COLEC11: variants seen among roughly 807,000 people sequenced by gnomAD.
The protein encoded by COLEC11 is collectin-11.
In COLEC11, 20 loss-of-function variants were observed where a neutral mutation model predicts 27.3. That is an observed-to-expected ratio of 0.73 (90% CI 0.51 to 1.06). The LOEUF is 1.06. Ranked by LOEUF, COLEC11 falls within the 50% of genes least tolerant of loss-of-function variation. The pLI, the probability that COLEC11 is intolerant of heterozygous loss-of-function variation, is 0.00. For missense variants in COLEC11, 310 were observed against 383.0 expected, an observed-to-expected ratio of 0.81 and a Z score of 1.59; for synonymous variants, 163 against 154.7, an observed-to-expected ratio of 1.05 and a Z score of -0.40.
chr2:3,614,177 A>G (rs1558497405), intron 3 of COLEC11, among the ~76,000 whole-genome samples: 1 of 151,762 alleles, frequency 6.6e-6, no homozygotes, highest in Non-Finnish European at 1.5e-5. Flanking sequence ...AGGTTTCACC[A>G]TGTTGGCCAG....
intron 3 of COLEC11, among the ~76,000 whole-genome samples, chr2:3,635,266 C>T (rs1665318396): frequency 6.6e-6 from 1 of 152,146 alleles, no homozygotes; most frequent in Non-Finnish European, 1.5e-5. Context: ...GCACGAGGTT[C>T]TGCCAACACT....
rs542599627 is a variant in COLEC11, at chr2:3,643,547, G to A, written c.424+8G>A. The A allele has an allele frequency of 4.3e-6, 7 of 1,612,264 alleles. No homozygotes were observed. In the East Asian group the frequency reaches 1.6e-4, roughly 36 times the overall value. ...TCAAGTTCATCAAGAATGGTATGTG[G>A]CTCCCGGCGCCGCCCTCGCTCCCTC... On this transcript the variant is annotated splice_region_variant and intron_variant, in intron 6 of 6. Coordinates refer to ENST00000349077, the MANE Select transcript of COLEC11 (RefSeq NM_024027.5).
chr2:3,620,839 T>G (rs1418312165), intron 3 of COLEC11, among the ~76,000 whole-genome samples: 2 of 152,244 alleles, frequency 1.3e-5, no homozygotes, highest in African/African-American at 4.8e-5. Flanking sequence ...ATTTGTGAAT[T>G]TTCGTTTTCC....
chr2:3,643,144 C>T (rs1340552843), intron 5 of COLEC11, among the ~76,000 whole-genome samples: 2 of 152,218 alleles, frequency 1.3e-5, no homozygotes, highest in Non-Finnish European at 2.9e-5. Flanking sequence ...CTCAGCCAGA[C>T]CTGCTTCCCT....
Position 3,643,886 on chromosome 2 carries a change from A to G in COLEC11, c.584A>G (p.Gln195Arg), listed in dbSNP as rs1430129638. ...ANGLMAAYLA[Q>R]AGLARVFIGI... ...GGCCTGATGGCCGCATACCTGGCGC[A>G]AGCCGGCCTGGCCCGTGTCTTCATC... Residue 195 changes from glutamine to arginine, a missense_variant, in exon 7 of 7, where the codon CAA becomes CGA. By Grantham distance (43) the Gln-to-Arg change is conservative. Transcript: ENST00000349077. 1 of 1,613,704 alleles carries G rather than the reference A, an allele frequency of 6.2e-7. No homozygotes were observed. The highest frequency in any genetic ancestry group is 8.5e-7 in the Non-Finnish European group (1 of 1,180,030).
chr2:3,626,194 G>C (rs1326907656), intron 3 of COLEC11: 2 of 991,984 alleles, frequency 2.0e-6, no homozygotes, highest in East Asian at 4.8e-5. Flanking sequence ...GACAGAACTG[G>C]AGCAGAAGCC....
rs928500919 is a variant in COLEC11 at position 3,597,058 on chromosome 2, T to C, written c.-27+1890T>C. Among the ~76,000 whole-genome samples the C allele has an allele frequency of 2.0e-5, 3 of 152,330 alleles. No individual in the cohort carries two copies. In the South Asian group the frequency reaches 6.2e-4, roughly 32 times the overall value. ...ATGGGCAGCGGGGTCAGTGAATGAG[T>C]GGAGCGAGTGAAGGCATGAGAAATC... On this transcript the variant is annotated intron_variant, in intron 1 of 6. Coordinates refer to ENST00000349077, the MANE Select transcript of COLEC11 (RefSeq NM_024027.5).
intron 1 of COLEC11, among the ~76,000 whole-genome samples, chr2:3,599,404 C>CG (rs1465339588): frequency 6.6e-6 from 1 of 152,174 alleles, no homozygotes; most frequent in Non-Finnish European, 1.5e-5. Flanking sequence ...AGGCACTGTG[C>CG]GGGGGACAGG....
At chr2:3,603,655 CAA>C (rs572015546) in intron 1 of COLEC11, 21 of 1,551,092 alleles carry the variant, frequency 1.4e-5, no homozygotes, top group Admixed American at 7.8e-5. Context: ...GATGAAGAAA[CAA>C]AGAGGTCAGC....
chr2:3,629,502 G>A (rs939567191), intron 3 of COLEC11, among the ~76,000 whole-genome samples: 2 of 152,208 alleles, frequency 1.3e-5, no homozygotes, highest in African/African-American at 4.8e-5. Flanking sequence ...ATGCACACAC[G>A]TGCACATAGA....
intron 3 of COLEC11, 114 bp from the exon 4 acceptor site, chr2:3,637,419 A>C: frequency 2.5e-6 from 2 of 785,690 alleles, no homozygotes; most frequent in Non-Finnish European, 4.6e-6. Flanking sequence ...AGTCTCTTCT[A>C]TGTGCCTGTG....
intron 4 of COLEC11, among the ~76,000 whole-genome samples, 181 bp from the exon 5 acceptor site, chr2:3,640,097 G>A (rs899598852): frequency 2.0e-5 from 3 of 152,158 alleles, no homozygotes; most frequent in East Asian, 3.8e-4. Flanking sequence ...TATATGGTTC[G>A]TATCACATAA....
At chr2:3,640,083 C>T (rs1293468942) in intron 4 of COLEC11, among the ~76,000 whole-genome samples, 195 bp from the exon 5 acceptor site, 1 of 152,170 alleles carries the variant, frequency 6.6e-6, no homozygotes, top group African/African-American at 2.4e-5. Flanking sequence ...CACCCCATGA[C>T]ATGTATATGG....
intron 3 of COLEC11, among the ~76,000 whole-genome samples, chr2:3,632,088 G>A (rs530771608): frequency 7.2e-5 from 11 of 152,304 alleles, no homozygotes; most frequent in African/African-American, 1.9e-4. Context: ...CCTGATGCTC[G>A]CTGTGACCCG....
chr2:3,613,400 C>G lies in COLEC11; in HGVS notation c.202+18C>G, dbSNP rs1241104883. 8.3e-6 allele frequency: 13 copies of G among 1,574,344 alleles called. No homozygotes were observed. The highest frequency in any genetic ancestry group is 1.0e-5 in the Non-Finnish European group (12 of 1,159,380). ...AGAAAAAGGTACCTGCAGCCCTGGG[C>G]CGGCCCTCAGAGCTCTGAGGATGGA... On this transcript the variant is annotated intron_variant, in intron 3 of 6. Transcript: ENST00000349077.
At position 3,644,198 on chromosome 2, in the gene COLEC11, A is replaced by T; in HGVS notation, c.*80A>T. The T allele has an allele frequency of 6.4e-7, 1 of 1,565,584 alleles. No individual in the cohort carries two copies. Among genetic ancestry groups the T allele is most frequent in the Non-Finnish European group, 8.7e-7 (1 of 1,151,142 alleles). On this transcript the variant is annotated 3_prime_UTR_variant, in exon 7 of 7. Transcript: ENST00000349077. ...GGGACAGAGCCCAGACCATGGTGCC[A>T]GCCAGGGAGCTGTCCCTCTGTGAAG...
In COLEC11 at chr2:3,604,310, T is replaced by C. The variant is rs200557360; in HGVS notation, c.-26-5T>C. On this transcript the variant is annotated splice_polypyrimidine_tract_variant and splice_region_variant and intron_variant, in intron 1 of 6. Transcript: ENST00000349077. ...CCATCACTGTTTATTCCTTCCTCTG[T>C]GTAGGAGTTGGTGTCCTGCCTGCGC... The C allele has an allele frequency of 1.1e-5, 18 of 1,614,116 alleles. No homozygotes were observed. The African/African-American group carries it at 2.0e-4, about 18-fold the overall frequency.
rs1448588523 is a variant in COLEC11 at position 3,644,145 on chromosome 2, G to T, written c.*27G>T. On this transcript the variant is annotated 3_prime_UTR_variant, in exon 7 of 7. Coordinates refer to ENST00000349077, the MANE Select transcript of COLEC11 (RefSeq NM_024027.5). ...CCTCAGGCTGGGGCTGCCCATTGGG[G>T]GCCCCACATGTCCCTGCAGGGTTGG... 1.2e-6 allele frequency: 2 copies of T among 1,602,908 alleles called. No individual in the cohort carries two copies. Among genetic ancestry groups the T allele is most frequent in the Non-Finnish European group, 1.7e-6 (2 of 1,179,914 alleles).
At chr2:3,638,424 G>A (rs146544163) in intron 4 of COLEC11, among the ~76,000 whole-genome samples, 2,617 of 152,298 alleles carry the variant, frequency 0.017, 30 homozygotes, top group Non-Finnish European at 0.028. Flanking sequence ...GTAGCAATGC[G>A]GCTAAGCTGC....
Sources: allele counts gnomAD v4.1 joint callset (sites outside exome capture counted in the v4.1 genomes callset), GRCh38; gene constraint gnomAD v4.1.1; transcripts MANE v1.5; gene names NCBI Gene and HGNC (gene_info 2026-07-23, HGNC 2026-07-21).